LSM14A: variants seen among roughly 807,000 people sequenced by gnomAD.
The protein encoded by LSM14A is LSM14A mRNA processing body assembly factor, also known as protein LSM14 homolog A.
A neutral mutation model predicts 52.4 loss-of-function variants in LSM14A; 14 were observed. The ratio of observed to expected loss-of-function variants is 0.27; its 90% CI spans 0.18 to 0.42. The LOEUF is 0.42. LSM14A is among the 10% of genes least tolerant of loss of function. The pLI, the probability that LSM14A is intolerant of heterozygous loss-of-function variation, is 1.00. For synonymous variants in LSM14A, 185 were observed against 200.3 expected, an observed-to-expected ratio of 0.92 and a Z score of 0.64; for missense variants, 417 against 581.8, an observed-to-expected ratio of 0.72 and a Z score of 2.91.
At chr19:34,217,077 G>A (rs1031142405) in intron 6 of LSM14A, among the ~76,000 whole-genome samples, 7 of 151,900 alleles carry the variant, frequency 4.6e-5, no homozygotes, top group South Asian at 2.1e-4. Flanking sequence ...CTGGCCATAC[G>A]GTGAAACCCT....
chr19:34,188,768 T>C (rs1180952770), intron 1 of LSM14A, among the ~76,000 whole-genome samples: 1 of 152,134 alleles, frequency 6.6e-6, no homozygotes, highest in African/African-American at 2.4e-5. Flanking sequence ...ACTCTTGATG[T>C]AACATGTATC....
At chr19:34,191,656 C>A (rs2070393544) in intron 1 of LSM14A, among the ~76,000 whole-genome samples, 1 of 152,058 alleles carries the variant, frequency 6.6e-6, no homozygotes, top group African/African-American at 2.4e-5. Flanking sequence ...TTTTACTTGA[C>A]TCTGAATTCA....
At position 34,219,704 on chromosome 19, in the gene LSM14A, A is replaced by C. The variant is rs770565247; in HGVS notation, c.965-2A>C. On this transcript the variant is annotated splice_acceptor_variant, in intron 7 of 9. Coordinates refer to ENST00000544216, the MANE Select transcript of LSM14A (RefSeq NM_015578.4). LOFTEE classifies it high-confidence loss of function. Reference sequence around the variant, plus strand: ...TTTTCTGATATGTGCTTTTGTTCTTAGAAGATAAACTTGAGAAACAGGAGA... The same window carrying C: ...TTTTCTGATATGTGCTTTTGTTCTTCGAAGATAAACTTGAGAAACAGGAGA... 6.2e-7 allele frequency: 1 copy of C among 1,604,420 alleles called. No individual in the cohort carries two copies. Among genetic ancestry groups the C allele is most frequent in the Admixed American group, 1.7e-5 (1 of 57,384 alleles).
chr19:34,226,322 C>A, intron 9 of LSM14A: 1 of 1,196,226 alleles, frequency 8.4e-7, no homozygotes, highest in Non-Finnish European at 1.2e-6. Flanking sequence ...TGCTCTCTCT[C>A]CTCTCCCCCT....
Position 34,196,659 on chromosome 19 carries a change from C to T in LSM14A, c.311C>T (p.Ser104Leu). Residue 104 changes from serine to leucine, a missense_variant, in exon 3 of 10, where the codon TCA becomes TTA. Ser to Leu is a moderately radical substitution (Grantham distance 145). Transcript: ENST00000544216. ...VQSSLGSSTS[S>L]FQSMGSYGPF... ...TCCTCACTAGGCTCATCGACTTCTT[C>T]ATTCCAGTCCATGGGTTCTTATGGA... 1 of 1,612,128 alleles carries T rather than the reference C, an allele frequency of 6.2e-7. No homozygotes were observed. Among genetic ancestry groups the T allele is most frequent in the Non-Finnish European group, 8.5e-7 (1 of 1,179,294 alleles).
chr19:34,220,793 G>A (rs1408895796), intron 8 of LSM14A, among the ~76,000 whole-genome samples: 1 of 152,162 alleles, frequency 6.6e-6, no homozygotes, highest in Admixed American at 6.5e-5. Context: ...GATTGGGCCA[G>A]GAACATAATG....
chr19:34,200,527 A>ATATGC (rs1451533510), intron 3 of LSM14A, among the ~76,000 whole-genome samples: 5 of 152,158 alleles, frequency 3.3e-5, no homozygotes, highest in African/African-American at 1.2e-4. Flanking sequence ...AGCCTCTCTA[A>ATATGC]ACAAAAGAAA....
At chr19:34,226,117 GT>G (rs1349734364) in intron 9 of LSM14A, among the ~76,000 whole-genome samples, 3 of 151,884 alleles carry the variant, frequency 2.0e-5, no homozygotes, top group African/African-American at 7.3e-5. Flanking sequence ...GTTGTATGGT[GT>G]TTTCCCCCTC....
Position 34,172,651 on chromosome 19 carries a change from G to A in LSM14A, c.9G>A (p.Gly3=). Residue 3 remains glycine, a synonymous_variant, in exon 1 of 10, where the codon GGG becomes GGA. Coordinates refer to ENST00000544216, the MANE Select transcript of LSM14A (RefSeq NM_015578.4). ...GCGGCGGCGGCGGCGCCATGAGCGG[G>A]GGCACCCCTTACATCGGCAGCAAGA... MS[G]GTPYIGSKIS... is the part of the protein sequence containing the mutation. 2 of 1,569,310 alleles carry A rather than the reference G, an allele frequency of 1.3e-6. No homozygotes were observed. Among genetic ancestry groups the A allele is most frequent in the South Asian group, 1.2e-5 (1 of 86,116 alleles).
At chr19:34,217,596 A>G (rs1399250780) in intron 6 of LSM14A, among the ~76,000 whole-genome samples, 2 of 82,766 alleles carry the variant, frequency 2.4e-5, no homozygotes, top group Non-Finnish European at 4.7e-5. Context: ...ATATATATAT[A>G]TTTTTATATC....
intron 1 of LSM14A, among the ~76,000 whole-genome samples, chr19:34,193,065 A>G (rs1213997878): frequency 3.3e-5 from 5 of 152,148 alleles, no homozygotes; most frequent in African/African-American, 4.8e-5. Flanking sequence ...CATATTCTCT[A>G]TTTGGAACTT....
intron 9 of LSM14A, among the ~76,000 whole-genome samples, chr19:34,223,130 G>T (rs1293360093): frequency 6.6e-6 from 1 of 151,996 alleles, no homozygotes; most frequent in East Asian, 1.9e-4. Context: ...ACCCAGACTG[G>T]AGTGCAATGG....
chr19:34,227,644 A>C lies in LSM14A; in HGVS notation c.*256A>C. On this transcript the variant is annotated 3_prime_UTR_variant, in exon 10 of 10. Coordinates refer to ENST00000544216, the MANE Select transcript of LSM14A (RefSeq NM_015578.4). ...GAAGGTTAAGTAATTTCTTATGTAT[A>C]GTTAAACTAAAGCAGTACTTCAGTG... 2.5e-6 allele frequency: 1 copy of C among 401,010 alleles called. No homozygotes were observed. Among genetic ancestry groups the C allele is most frequent in the East Asian group, 4.0e-5 (1 of 25,018 alleles). 24.8% of individuals were successfully genotyped at this position (401,010 alleles called of 1,614,324 possible).
At chr19:34,176,224 A>T (rs1312974638) in intron 1 of LSM14A, among the ~76,000 whole-genome samples, 1 of 152,160 alleles carries the variant, frequency 6.6e-6, no homozygotes, top group East Asian at 1.9e-4. Context: ...TACTGTTTTT[A>T]AACTATGGAT....
chr19:34,182,052 G>A (rs1391575502), intron 1 of LSM14A, among the ~76,000 whole-genome samples: 1 of 152,014 alleles, frequency 6.6e-6, no homozygotes, highest in Non-Finnish European at 1.5e-5. Context: ...TTTCAAACTA[G>A]ATGCAGAATT....
rs1269619198 is a variant in LSM14A at position 34,206,162 on chromosome 19, C to T, written c.416-2767C>T. Among the ~76,000 whole-genome samples, 7 of 152,320 alleles carry T rather than the reference C, an allele frequency of 4.6e-5. No individual in the cohort carries two copies. The East Asian group carries it at 5.8e-4, about 13-fold the overall frequency. On this transcript the variant is annotated intron_variant, in intron 3 of 9. Coordinates refer to ENST00000544216, the MANE Select transcript of LSM14A (RefSeq NM_015578.4). ...AAATTCTAGACTGTTTTTACTGTTA[C>T]ATTCTACCAAACATTTAGGGAAGAA...
intron 9 of LSM14A, among the ~76,000 whole-genome samples, chr19:34,225,158 A>G (rs1478488058): frequency 6.6e-6 from 1 of 152,228 alleles, no homozygotes; most frequent in Non-Finnish European, 1.5e-5. Flanking sequence ...ATGGAGCCAT[A>G]GTGGGCTTGA....
intron 3 of LSM14A, among the ~76,000 whole-genome samples, chr19:34,202,492 CAAA>C (rs113672361): frequency 1.1e-5 from 1 of 90,426 alleles, no homozygotes; most frequent in Non-Finnish European, 2.3e-5. Context: ...GACTGTGTCT[CAAA>C]AAAAAAAAAA....
chr19:34,178,170 A>C (rs1313913380), intron 1 of LSM14A, among the ~76,000 whole-genome samples: 1 of 136,586 alleles, frequency 7.3e-6, no homozygotes, highest in Non-Finnish European at 1.6e-5. Context: ...CAAAAAAAAA[A>C]AAAACACAAA....
Sources: allele counts gnomAD v4.1 joint callset (sites outside exome capture counted in the v4.1 genomes callset), GRCh38; gene constraint gnomAD v4.1.1; transcripts MANE v1.5; gene names NCBI Gene and HGNC (gene_info 2026-07-23, HGNC 2026-07-21).